SEMA5A: variants seen among roughly 807,000 people sequenced by gnomAD.
SEMA5A encodes the protein semaphorin-5A.
In SEMA5A, 55 loss-of-function variants were observed where a neutral mutation model predicts 135.5. That is an observed-to-expected ratio of 0.41 (90% CI 0.33 to 0.51). SEMA5A has a LOEUF of 0.51. Among genes scored for constraint, SEMA5A ranks in the 20% least tolerant of loss-of-function variants. SEMA5A has a pLI of 0.37. For missense variants in SEMA5A, 1,290 were observed against 1,419.9 expected (o/e 0.91, Z 1.47); for synonymous variants, 580 against 546.5 (o/e 1.06, Z -0.85).
Position 9,202,041 on chromosome 5 carries a change from C to T in SEMA5A, c.846G>A (p.Gly282=), listed in dbSNP as rs763475603. ...ATTCGTTGTAGTAAAAGGGGACTTC[C>T]CCAGGACGGGAGCAGTTCAGGCGAG... ...MKARLNCSRP[G]EVPFYYNELQ... is the part of the protein sequence containing the mutation. Residue 282 remains glycine, a synonymous_variant, in exon 9 of 23, where the codon GGG becomes GGA. Coordinates refer to ENST00000382496, the MANE Select transcript of SEMA5A (RefSeq NM_003966.3). The T allele has an allele frequency of 9.3e-6, 15 of 1,614,148 alleles. No individual in the cohort carries two copies. Among genetic ancestry groups the T allele is most frequent in the African/African-American group, 1.3e-5 (1 of 75,030 alleles).
At chr5:9,193,156 T>C (rs998398780) in intron 10 of SEMA5A, among the ~76,000 whole-genome samples, 2 of 152,128 alleles carry the variant, frequency 1.3e-5, no homozygotes, top group African/African-American at 4.8e-5. Context: ...TTTCAAATAG[T>C]TGGAAGAGTA....
At chr5:9,380,809 G>A (rs1755567241) in intron 2 of SEMA5A, among the ~76,000 whole-genome samples, 3 of 152,208 alleles carry the variant, frequency 2.0e-5, no homozygotes, top group Admixed American at 2.0e-4. Flanking sequence ...TGCTGTGGGA[G>A]TCAAGGGAGA....
intron 8 of SEMA5A, among the ~76,000 whole-genome samples, chr5:9,212,291 C>G (rs1303303409): frequency 6.6e-6 from 1 of 152,184 alleles, no homozygotes; most frequent in Non-Finnish European, 1.5e-5. Context: ...AAGCATCAAC[C>G]ATTAAACATT....
Position 9,197,184 on chromosome 5 carries a change from G to T in SEMA5A, c.1052C>A (p.Pro351Gln). 3 of 1,614,238 alleles carry T rather than the reference G, an allele frequency of 1.9e-6. No individual in the cohort carries two copies. Among genetic ancestry groups the T allele is most frequent in the African/African-American group, 1.3e-5 (1 of 75,060 alleles). ...SRSAWLPYPN[P>Q]NPHFQCGTVD... Reference sequence around the variant, plus strand: ...GAAAATTACCTGGAAGTGGGGGTTTGGGTTGGGATACGGTAGCCAGGCCGA... The same window carrying T: ...GAAAATTACCTGGAAGTGGGGGTTTTGGTTGGGATACGGTAGCCAGGCCGA... Residue 351 changes from proline to glutamine, a missense_variant, in exon 10 of 23, where the codon CCA (proline) becomes CAA (glutamine). By Grantham distance (76) the Pro-to-Gln change is moderately conservative. Transcript: ENST00000382496.
chr5:9,255,925 C>T (rs547863453), intron 5 of SEMA5A, among the ~76,000 whole-genome samples: 1 of 101,156 alleles, frequency 9.9e-6, no homozygotes, highest in Admixed American at 1.0e-4. Flanking sequence ...CCTAGTGTTG[C>T]CCATACACTA....
At chr5:9,120,784 AT>A (rs11458510) in intron 14 of SEMA5A, among the ~76,000 whole-genome samples, 85 of 146,128 alleles carry the variant, frequency 5.8e-4, no homozygotes, top group Middle Eastern at 3.5e-3. Context: ...ATGTGGATTG[AT>A]TTTTTTTTTT....
chr5:9,337,520 C>T (rs1753444973), intron 4 of SEMA5A, among the ~76,000 whole-genome samples, 193 bp downstream of exon 4: 1 of 152,172 alleles, frequency 6.6e-6, no homozygotes, highest in Non-Finnish European at 1.5e-5. Flanking sequence ...CCGATCAATG[C>T]TTACTCTAAC....
chr5:9,401,256 C>G (rs1169294165), intron 2 of SEMA5A, among the ~76,000 whole-genome samples: 5 of 152,226 alleles, frequency 3.3e-5, no homozygotes, highest in Non-Finnish European at 7.3e-5. Context: ...CGCCACACTG[C>G]CTGGACCTAT....
intron 3 of SEMA5A, among the ~76,000 whole-genome samples, chr5:9,348,821 C>A (rs978678656): frequency 2.0e-5 from 3 of 152,188 alleles, no homozygotes; most frequent in Non-Finnish European, 4.4e-5. Flanking sequence ...CACCAGATAA[C>A]GACAGAGATT....
intron 5 of SEMA5A, among the ~76,000 whole-genome samples, chr5:9,299,521 A>G (rs12519760): frequency 0.044 from 6,676 of 152,160 alleles, 165 homozygotes; most frequent in Middle Eastern, 0.065. Flanking sequence ...CCAGCTTCCA[A>G]TCTTGGGTGG....
At chr5:9,162,739 C>T (rs1343860801) in intron 11 of SEMA5A, among the ~76,000 whole-genome samples, 1 of 151,566 alleles carries the variant, frequency 6.6e-6, no homozygotes, top group Non-Finnish European at 1.5e-5. Flanking sequence ...TTATATTTTC[C>T]AAGTTAACCT....
intron 2 of SEMA5A, among the ~76,000 whole-genome samples, chr5:9,399,761 G>A (rs934195914): frequency 2.0e-5 from 3 of 152,110 alleles, no homozygotes; most frequent in African/African-American, 7.2e-5. Flanking sequence ...GGGCCTTGAG[G>A]GGAACTTCTC....
intron 5 of SEMA5A, among the ~76,000 whole-genome samples, chr5:9,291,584 G>GGAAAGAGAGAGAGAGAGA (rs1302104817): frequency 4.2e-5 from 6 of 143,818 alleles, no homozygotes; most frequent in Non-Finnish European, 3.1e-5. Flanking sequence ...TGTAGAAGCA[G>GGAAAGAGAGAGAGAGAGA]GAAAGAGAGA....
At chr5:9,408,024 TACC>T (rs1027391296) in intron 2 of SEMA5A, among the ~76,000 whole-genome samples, 2 of 150,990 alleles carry the variant, frequency 1.3e-5, no homozygotes, top group South Asian at 2.1e-4. Flanking sequence ...ACACCACAAC[TACC>T]ACCATCATTA....
chr5:9,229,979 C>CTTTTGT (rs903520539), intron 6 of SEMA5A, among the ~76,000 whole-genome samples: 1 of 151,808 alleles, frequency 6.6e-6, no homozygotes, highest in Non-Finnish European at 1.5e-5. Context: ...AGGTTGCTTT[C>CTTTTGT]TTTTGTTTTT....
intron 21 of SEMA5A, 85 bp downstream of exon 21, chr5:9,050,325 G>T: frequency 1.5e-6 from 2 of 1,315,446 alleles, no homozygotes; most frequent in East Asian, 2.5e-5. Context: ...CCAAGAGGCA[G>T]AAAAATTATA....
At chr5:9,100,665 T>C (rs1283561672) in intron 16 of SEMA5A, among the ~76,000 whole-genome samples, 3 of 152,126 alleles carry the variant, frequency 2.0e-5, no homozygotes, top group Non-Finnish European at 4.4e-5. Context: ...CCCTGTCTTG[T>C]CTCAAAATCT....
intron 8 of SEMA5A, among the ~76,000 whole-genome samples, chr5:9,206,769 A>G (rs548084752): frequency 1.3e-5 from 2 of 151,854 alleles, no homozygotes; most frequent in African/African-American, 2.4e-5. Context: ...GACACTTGCC[A>G]AAGTCAGGCT....
At chr5:9,319,971 C>T (rs959877558) in intron 4 of SEMA5A, among the ~76,000 whole-genome samples, 1 of 152,096 alleles carries the variant, frequency 6.6e-6, no homozygotes, top group South Asian at 2.1e-4. Context: ...GAGGACAAAG[C>T]CCCCATGGAA....
Sources: gnomAD v4.1 joint callset for allele counts (sites outside exome capture counted in the v4.1 genomes callset) on GRCh38, gnomAD v4.1.1 for gene constraint, MANE v1.5 for transcripts, NCBI Gene and HGNC (gene_info 2026-07-23, HGNC 2026-07-21) for gene names.